Variants in CELF4 observed in about 807,000 individuals in gnomAD.
The protein encoded by CELF4 is CUGBP Elav-like family member 4, also known as CUG-BP- and ETR-3-like factor 4.
CELF4 carries 18 observed loss-of-function variants against 59.9 expected under a neutral mutation model. That is an observed-to-expected ratio of 0.30 (90% CI 0.21 to 0.45). The LOEUF (loss-of-function observed/expected upper bound fraction) is 0.45, where lower values mean the gene tolerates loss of function less well. Ranked by LOEUF, CELF4 falls within the 20% of genes least tolerant of loss-of-function variation. The pLI is 1.00. For synonymous variants in CELF4, 261 were observed against 267.1 expected, an observed-to-expected ratio of 0.98 and a Z score of 0.22; for missense variants, 456 against 689.0, an observed-to-expected ratio of 0.66 and a Z score of 3.79.
intron 8 of CELF4, among the ~76,000 whole-genome samples, chr18:37,269,209 A>G (rs1306078386): frequency 1.3e-5 from 2 of 151,890 alleles, no homozygotes; most frequent in African/African-American, 4.8e-5. Flanking sequence ...CATCATCCTT[A>G]AACAACACTC....
intron 1 of CELF4, among the ~76,000 whole-genome samples, chr18:37,524,865 G>A (rs4799936): frequency 0.54 from 81,734 of 152,044 alleles, 25,842 homozygotes; most frequent in Non-Finnish European, 0.71. Flanking sequence ...AGAATGGGGC[G>A]CAGCCGGGCT....
rs192146200 is a variant in CELF4, at chr18:37,274,832, G to A, written c.630C>T (p.Asn210=). 2.5e-6 allele frequency: 4 copies of A among 1,607,328 alleles called. No individual in the cohort carries two copies. The highest frequency in any genetic ancestry group is 2.2e-5 in the East Asian group (1 of 44,658). Reference sequence around the variant, plus strand: ...GCATGGTCTGGCTGCCGTGTAGCGCGTTGATGGCGGCCTGCGCCTCGGCGT... The same window carrying A: ...GCATGGTCTGGCTGCCGTGTAGCGCATTGATGGCGGCCTGCGCCTCGGCGT... ...SSHAEAQAAI[N]ALHGSQTMPG... is the part of the protein sequence containing the mutation. Residue 210 remains asparagine (N), a synonymous_variant, in exon 5 of 13, where the codon AAC becomes AAT. Coordinates refer to ENST00000420428, the MANE Select transcript of CELF4 (RefSeq NM_020180.4).
At chr18:37,263,350 C>A (rs1195866884) in intron 10 of CELF4, among the ~76,000 whole-genome samples, 2 of 152,130 alleles carry the variant, frequency 1.3e-5, no homozygotes, top group Non-Finnish European at 2.9e-5. Context: ...GTTGGACCAG[C>A]AGACTCTTGA....
intron 2 of CELF4, among the ~76,000 whole-genome samples, chr18:37,343,329 CTGTGTG>C (rs5824051): frequency 0.043 from 5,465 of 126,982 alleles, 183 homozygotes; most frequent in African/African-American, 0.089. Context: ...GGTGTTGATT[CTGTGTG>C]TGTGTGTGTG....
intron 1 of CELF4, among the ~76,000 whole-genome samples, chr18:37,553,330 A>T (rs2099983811): frequency 6.6e-6 from 1 of 152,118 alleles, no homozygotes; most frequent in South Asian, 2.1e-4. Context: ...GTACCAATTG[A>T]TCACTAATCT....
chr18:37,374,521 T>C (rs1417172860), intron 2 of CELF4, among the ~76,000 whole-genome samples: 2 of 152,214 alleles, frequency 1.3e-5, no homozygotes, highest in Admixed American at 1.3e-4. Flanking sequence ...TGGCCAGGTC[T>C]GCATATTGAC....
intron 2 of CELF4, among the ~76,000 whole-genome samples, chr18:37,334,281 C>T (rs1299801660): frequency 6.6e-6 from 1 of 152,216 alleles, no homozygotes; most frequent in Admixed American, 6.5e-5. Flanking sequence ...CAGAGGCTGC[C>T]CCCAGTGCTG....
At chr18:37,527,815 A>T (rs1331043553) in intron 1 of CELF4, among the ~76,000 whole-genome samples, 1 of 152,128 alleles carries the variant, frequency 6.6e-6, no homozygotes, top group East Asian at 1.9e-4. Context: ...TGGGCCTTTG[A>T]TCACTTTCCC....
At chr18:37,309,488 A>T (rs2154484668) in intron 3 of CELF4, among the ~76,000 whole-genome samples, 1 of 152,260 alleles carries the variant, frequency 6.6e-6, no homozygotes, top group African/African-American at 2.4e-5. Context: ...CTGCTGCTAC[A>T]GGCAGTAATT....
chr18:37,565,092 C>T (rs1024660015), intron 1 of CELF4, among the ~76,000 whole-genome samples: 2 of 152,076 alleles, frequency 1.3e-5, no homozygotes, highest in Non-Finnish European at 2.9e-5. Flanking sequence ...TCCTCGATCC[C>T]CTCTCTCTTT....
chr18:37,307,064 C>A (rs1363125282), intron 3 of CELF4, among the ~76,000 whole-genome samples: 1 of 151,818 alleles, frequency 6.6e-6, no homozygotes, highest in African/African-American at 2.4e-5. Context: ...ACAGAGGGGG[C>A]CACCAAGTCT....
At chr18:37,533,409 C>G (rs974841696) in intron 1 of CELF4, among the ~76,000 whole-genome samples, 1 of 152,164 alleles carries the variant, frequency 6.6e-6, no homozygotes, top group Non-Finnish European at 1.5e-5. Flanking sequence ...CTCAACCTCC[C>G]CAGCAATTGG....
Position 37,264,725 on chromosome 18 carries a change from T to G in CELF4, c.1198A>C (p.Ser400Arg). 1 of 1,581,048 alleles carries G rather than the reference T, an allele frequency of 6.3e-7. No individual in the cohort carries two copies. The highest frequency in any genetic ancestry group is 8.6e-7 in the Non-Finnish European group (1 of 1,162,692). ...AAYPAAYGQI[S>R]QAFPQPPPMI... The stretch of plus-strand genomic sequence containing the variant: ...GGAGGCGGCTGAGGAAAGGCCTGGC[T>G]TATCTGACCATAGGCAGCAGGGTAG... Residue 400 changes from serine to arginine, a missense_variant, in exon 10 of 13, where the codon AGC (serine) becomes CGC (arginine). Ser to Arg is a moderately radical substitution (Grantham distance 110, BLOSUM62 -1). Transcript: ENST00000420428.
intron 3 of CELF4, among the ~76,000 whole-genome samples, chr18:37,298,243 G>A (rs9949412): frequency 0.34 from 52,090 of 151,954 alleles, 9,116 homozygotes; most frequent in South Asian, 0.48. Context: ...TTCTTCCAAG[G>A]AGAAGGATCA....
At chr18:37,362,140 A>G (rs1165563862) in intron 2 of CELF4, among the ~76,000 whole-genome samples, 1 of 152,098 alleles carries the variant, frequency 6.6e-6, no homozygotes, top group Non-Finnish European at 1.5e-5. Flanking sequence ...CCAGCCCTGC[A>G]GTCACCCTGA....
At chr18:37,434,491 G>A (rs1033352969) in intron 2 of CELF4, among the ~76,000 whole-genome samples, 6 of 152,208 alleles carry the variant, frequency 3.9e-5, no homozygotes, top group African/African-American at 1.4e-4. Flanking sequence ...AAAACAGGGG[G>A]CTGTGCCATC....
chr18:37,403,833 G>T (rs1259605997), intron 2 of CELF4, among the ~76,000 whole-genome samples: 2 of 152,196 alleles, frequency 1.3e-5, no homozygotes, highest in South Asian at 4.1e-4. Context: ...GGCTAGTGCT[G>T]CTCATACCCT....
At chr18:37,516,478 G>A (rs2099950769) in intron 1 of CELF4, among the ~76,000 whole-genome samples, 2 of 152,166 alleles carry the variant, frequency 1.3e-5, no homozygotes, top group African/African-American at 2.4e-5. Context: ...CCCTCGCCCC[G>A]GCCACAGACT....
chr18:37,543,025 A>G (rs1202079126), intron 1 of CELF4, among the ~76,000 whole-genome samples: 9 of 151,906 alleles, frequency 5.9e-5, no homozygotes, highest in African/African-American at 1.5e-4. Flanking sequence ...TAACTCTTCA[A>G]TCTCTGCATG....
Sources: gnomAD v4.1 joint callset for allele counts (sites outside exome capture counted in the v4.1 genomes callset) on GRCh38, gnomAD v4.1.1 for gene constraint, MANE v1.5 for transcripts, NCBI Gene and HGNC (gene_info 2026-07-23, HGNC 2026-07-21) for gene names.